NKAIN2: variants seen among roughly 807,000 people sequenced by gnomAD.
NKAIN2 encodes sodium/potassium-transporting ATPase subunit beta-1-interacting protein 2.
A neutral mutation model predicts 32.6 loss-of-function variants in NKAIN2; 14 were observed. The observed-to-expected ratio is 0.43, with a 90% CI of 0.28 to 0.67. The LOEUF (loss-of-function observed/expected upper bound fraction) is 0.67. Among genes scored for constraint, NKAIN2 ranks in the 30% least tolerant of loss-of-function variants. The probability of loss-of-function intolerance (pLI) is 0.17; values close to 1 mark genes in which losing one functional copy is unlikely to be tolerated. For missense variants in NKAIN2, 198 were observed against 258.3 expected (o/e 0.77, Z 1.60); for synonymous variants, 80 against 87.2 (o/e 0.92, Z 0.46).
At chr6:123,884,007 A>G (rs903062773) in intron 1 of NKAIN2, among the ~76,000 whole-genome samples, 4 of 151,534 alleles carry the variant, frequency 2.6e-5, no homozygotes, top group Non-Finnish European at 5.9e-5. Flanking sequence ...GGTTTGTTAC[A>G]TAGATAAACT....
rs181781565 is a variant in NKAIN2, at chr6:124,709,767, C to G, written c.474+51381C>G. On this transcript the variant is annotated intron_variant, in intron 4 of 6. Transcript: ENST00000368417. ...CAGCAGTCTATCAATTTTATTGATC[C>G]TTTCAAAAAACCAGCTCCTGGATTC... is the stretch of plus-strand genomic sequence containing the variant. Among the ~76,000 whole-genome samples, 13 of 151,588 alleles carry G rather than the reference C, an allele frequency of 8.6e-5. No homozygotes were observed. In the East Asian group the frequency reaches 1.9e-3, roughly 23 times the overall value.
chr6:124,124,912 G>C (rs1786084981), intron 1 of NKAIN2, among the ~76,000 whole-genome samples: 2 of 152,118 alleles, frequency 1.3e-5, no homozygotes. Flanking sequence ...ATATTGTAGA[G>C]TCCATTTCTG....
At chr6:124,152,398 A>G (rs1787772228) in intron 1 of NKAIN2, among the ~76,000 whole-genome samples, 1 of 151,954 alleles carries the variant, frequency 6.6e-6, no homozygotes, top group South Asian at 2.1e-4. Context: ...TCTTGCAGCT[A>G]TATTTTTCTC....
intron 1 of NKAIN2, among the ~76,000 whole-genome samples, chr6:124,003,266 C>T (rs917394405): frequency 6.6e-6 from 1 of 152,168 alleles, no homozygotes; most frequent in South Asian, 2.1e-4. Context: ...ATTGTTTAGA[C>T]ACTTACCATG....
intron 1 of NKAIN2, among the ~76,000 whole-genome samples, chr6:124,161,819 G>T (rs1444090151): frequency 2.0e-5 from 3 of 152,042 alleles, no homozygotes; most frequent in African/African-American, 4.8e-5. Flanking sequence ...AGGCGGAAAG[G>T]ATTGAAAAAC....
intron 3 of NKAIN2, among the ~76,000 whole-genome samples, chr6:124,548,143 C>G (rs1780162320): frequency 6.6e-6 from 1 of 152,012 alleles, no homozygotes; most frequent in Non-Finnish European, 1.5e-5. Context: ...CAAAACTCAC[C>G]AAGGAATTGA....
rs1230550780 is a variant in NKAIN2, at chr6:124,258,943, T to C, written c.55-24062T>C. ...GATGTTCCTCCAATTATATTTATCATTGGATAATTTAAATTTTCTCAGTCT... is the reference window on the plus strand; with the variant it reads ...GATGTTCCTCCAATTATATTTATCACTGGATAATTTAAATTTTCTCAGTCT... On this transcript the variant is annotated intron_variant, in intron 1 of 6. Transcript: ENST00000368417. 2.0e-5 allele frequency among the ~76,000 whole-genome samples: 3 copies of C among 152,210 alleles called. No individual in the cohort carries two copies. The East Asian group carries it at 5.8e-4, about 29-fold the overall frequency.
chr6:123,896,381 C>A lies in NKAIN2; in HGVS notation c.54+92127C>A, dbSNP rs531157301. On this transcript the variant is annotated intron_variant, in intron 1 of 6. Coordinates refer to ENST00000368417, the MANE Select transcript of NKAIN2 (RefSeq NM_001040214.3). ...TCTTATTCTAGAATTTTTGCTCTCC[C>A]TTTATATCACCAACCTGTTTAATTT... is the stretch of plus-strand genomic sequence containing the variant. Among the ~76,000 whole-genome samples the A allele has an allele frequency of 3.7e-4, 56 of 151,554 alleles. 1 individual carries two copies. The highest frequency in any genetic ancestry group is 1.6e-3 in the Admixed American group (24 of 15,282).
chr6:124,633,223 T>C (rs1412630757), intron 3 of NKAIN2, among the ~76,000 whole-genome samples: 1 of 152,118 alleles, frequency 6.6e-6, no homozygotes, highest in African/African-American at 2.4e-5. Context: ...AAAAATAACT[T>C]GATGCAGTTA....
At chr6:123,860,212 C>T (rs1258476326) in intron 1 of NKAIN2, among the ~76,000 whole-genome samples, 1 of 152,104 alleles carries the variant, frequency 6.6e-6, no homozygotes, top group Non-Finnish European at 1.5e-5. Flanking sequence ...TTTACTCACC[C>T]ACAGGCTGAG....
chr6:124,690,080 A>G (rs1373010054), intron 4 of NKAIN2, among the ~76,000 whole-genome samples: 1 of 152,156 alleles, frequency 6.6e-6, no homozygotes, highest in Non-Finnish European at 1.5e-5. Context: ...AATCTTATCC[A>G]TGAACATGGC....
At chr6:124,728,805 C>T (rs1292220777) in intron 4 of NKAIN2, among the ~76,000 whole-genome samples, 12 of 151,422 alleles carry the variant, frequency 7.9e-5, no homozygotes, top group East Asian at 1.9e-4. Flanking sequence ...ATTGATAGAC[C>T]GCTAGCAAGA....
At chr6:124,409,595 C>G (rs1323426398) in intron 3 of NKAIN2, among the ~76,000 whole-genome samples, 1 of 152,134 alleles carries the variant, frequency 6.6e-6, no homozygotes, top group Admixed American at 6.5e-5. Context: ...ATGCGGTTTG[C>G]CAGTATTTTA....
chr6:124,665,329 G>T (rs532883242), intron 4 of NKAIN2, among the ~76,000 whole-genome samples: 1 of 152,274 alleles, frequency 6.6e-6, no homozygotes, highest in African/African-American at 2.4e-5. Context: ...CAAAGGAACA[G>T]AATAGAGTCC....
intron 1 of NKAIN2, among the ~76,000 whole-genome samples, chr6:124,226,100 G>C (rs1880203): frequency 0.13 from 19,172 of 152,004 alleles, 2,951 homozygotes; most frequent in African/African-American, 0.36. Context: ...ACTGTCAATT[G>C]CAGTGGATGT....
chr6:124,096,714 C>T (rs1417874441), intron 1 of NKAIN2, among the ~76,000 whole-genome samples: 2 of 151,632 alleles, frequency 1.3e-5, no homozygotes, highest in Non-Finnish European at 2.9e-5. Context: ...AAAAATTAGC[C>T]GGGCGTGGTG....
chr6:124,123,597 C>G (rs1029467269), intron 1 of NKAIN2, among the ~76,000 whole-genome samples: 3 of 151,968 alleles, frequency 2.0e-5, no homozygotes, highest in Admixed American at 2.0e-4. Flanking sequence ...TTGTATCAGT[C>G]ATCTAGTGAT....
intron 1 of NKAIN2, among the ~76,000 whole-genome samples, chr6:123,959,930 TG>T (rs1777769980): frequency 6.4e-5 from 2 of 31,374 alleles, no homozygotes; most frequent in African/African-American, 6.2e-4. Flanking sequence ...CATATATGTG[TG>T]TGTGTGTGTG....
intron 1 of NKAIN2, among the ~76,000 whole-genome samples, chr6:124,008,299 G>A (rs569501073): frequency 2.6e-5 from 4 of 152,050 alleles, no homozygotes; most frequent in Admixed American, 6.6e-5. Flanking sequence ...TCCTAGCAAC[G>A]AAAGAGTAGA....
Sources: gnomAD v4.1 joint callset for allele counts (sites outside exome capture counted in the v4.1 genomes callset) on GRCh38, gnomAD v4.1.1 for gene constraint, MANE v1.5 for transcripts, NCBI Gene and HGNC (gene_info 2026-07-23, HGNC 2026-07-21) for gene names.